Variants in ATP2C1 observed in about 807,000 individuals in gnomAD.
ATP2C1 encodes ATPase secretory pathway Ca2+ transporting 1.
ATP2C1 carries 31 observed loss-of-function variants against 120.5 expected under a neutral mutation model. The observed-to-expected ratio is 0.26, with a 90% CI of 0.19 to 0.35. The LOEUF (loss-of-function observed/expected upper bound fraction) is 0.35, where lower values mean the gene tolerates loss of function less well. ATP2C1 is among the 10% of genes least tolerant of loss of function. The pLI is 1.00. For synonymous variants in ATP2C1, 351 were observed against 358.7 expected, an observed-to-expected ratio of 0.98 and a Z score of 0.24; for missense variants, 731 against 1,107.5, an observed-to-expected ratio of 0.66 and a Z score of 4.83.
intron 26 of ATP2C1, chr3:131,014,120 G>A: frequency 6.2e-7 from 1 of 1,611,428 alleles, no homozygotes; most frequent in Non-Finnish European, 8.5e-7. Flanking sequence ...ACCCAAACCG[G>A]TTGTTTCCCT....
chr3:131,008,541 A>G (rs2063202379), intron 26 of ATP2C1, among the ~76,000 whole-genome samples: 1 of 152,168 alleles, frequency 6.6e-6, no homozygotes, highest in African/African-American at 2.4e-5. Flanking sequence ...TTCATTTACA[A>G]TATTGTTTAT....
At chr3:130,974,833 T>C (rs1218899988) in intron 17 of ATP2C1, among the ~76,000 whole-genome samples, 1 of 152,120 alleles carries the variant, frequency 6.6e-6, no homozygotes, top group East Asian at 1.9e-4. Flanking sequence ...GGACTAGTGG[T>C]GAGAAGCGTT....
At chr3:130,972,910 A>G (rs2061392190) in intron 17 of ATP2C1, among the ~76,000 whole-genome samples, 1 of 152,140 alleles carries the variant, frequency 6.6e-6, no homozygotes, top group Admixed American at 6.5e-5. Flanking sequence ...CCAAACCAAC[A>G]GAGAAAGGGA....
intron 1 of ATP2C1, chr3:130,868,494 A>G (rs2068293206): frequency 1.4e-5 from 1 of 72,332 alleles, no homozygotes; most frequent in Non-Finnish European, 2.9e-5. Context: ...GGCCGCCCCT[A>G]CTGGGAAGTG....
chr3:130,855,148 A>G (rs997247453), intron 1 of ATP2C1, among the ~76,000 whole-genome samples: 1 of 152,072 alleles, frequency 6.6e-6, no homozygotes, highest in Admixed American at 6.5e-5. Context: ...ATCTTTTCTT[A>G]CTTGAACTAT....
rs779394121 is a variant in ATP2C1, at chr3:130,955,094, A to G, written c.756+14A>G. The stretch of plus-strand genomic sequence containing the variant: ...CAAGCAGAAGAGGTGAGTACTTAAT[A>G]TGTTAATGATGTATTTGTTCCAAAT... On this transcript the variant is annotated intron_variant, in intron 10 of 27. Coordinates refer to ENST00000510168, the MANE Select transcript of ATP2C1 (RefSeq NM_001378687.1). 12 of 1,530,432 alleles carry G rather than the reference A, an allele frequency of 7.8e-6. No homozygotes were observed. The highest frequency in any genetic ancestry group is 3.3e-5 in the Admixed American group (2 of 59,886). 94.8% of individuals were successfully genotyped at this position (1,530,432 alleles called of 1,614,324 possible).
intron 9 of ATP2C1, among the ~76,000 whole-genome samples, chr3:130,954,670 A>G (rs1019949151): frequency 7.9e-5 from 12 of 152,072 alleles, no homozygotes; most frequent in Admixed American, 3.9e-4. Flanking sequence ...TATTTTTAGT[A>G]GAGATGGCAT....
intron 6 of ATP2C1, among the ~76,000 whole-genome samples, chr3:130,939,553 A>G (rs994973829): frequency 3.9e-5 from 6 of 152,210 alleles, no homozygotes; most frequent in African/African-American, 1.2e-4. Flanking sequence ...ACCAGAAGAC[A>G]TAAGTAAAGA....
intron 18 of ATP2C1, among the ~76,000 whole-genome samples, chr3:130,978,010 A>C (rs1444513337): frequency 1.3e-5 from 2 of 152,214 alleles, no homozygotes; most frequent in Non-Finnish European, 2.9e-5. Context: ...CTGGTGCTAA[A>C]GAAGCAAATA....
At chr3:130,967,869 T>A (rs573138606) in intron 16 of ATP2C1, among the ~76,000 whole-genome samples, 1 of 152,318 alleles carries the variant, frequency 6.6e-6, no homozygotes, top group African/African-American at 2.4e-5. Flanking sequence ...TTTCTCAAAA[T>A]GATTGTGAAG....
chr3:130,944,044 A>T (rs2060033625), intron 8 of ATP2C1, among the ~76,000 whole-genome samples: 1 of 152,152 alleles, frequency 6.6e-6, no homozygotes, highest in African/African-American at 2.4e-5. Context: ...GAACCAGAAA[A>T]CTCCTTAGTC....
chr3:130,921,044 A>G (rs1023790718), intron 2 of ATP2C1, among the ~76,000 whole-genome samples: 5 of 149,594 alleles, frequency 3.3e-5, no homozygotes, highest in African/African-American at 1.2e-4. Flanking sequence ...TTATTCTAAC[A>G]GTTTTTTAAA....
intron 5 of ATP2C1, among the ~76,000 whole-genome samples, chr3:130,936,351 C>G (rs1403476560): frequency 6.6e-6 from 1 of 151,988 alleles, no homozygotes; most frequent in Non-Finnish European, 1.5e-5. Context: ...GGTAAAAGAT[C>G]CATTCAAATG....
chr3:130,986,674 T>C (rs218484), intron 20 of ATP2C1, among the ~76,000 whole-genome samples: 142,779 of 152,220 alleles, frequency 0.94, 67,161 homozygotes, highest in African/African-American at 0.98. Flanking sequence ...CTATAAATAC[T>C]AGCCCTGCCT....
intron 1 of ATP2C1, among the ~76,000 whole-genome samples, chr3:130,873,487 A>G (rs188447319): frequency 6.6e-6 from 1 of 152,298 alleles, no homozygotes. Flanking sequence ...ACTTCCCTAA[A>G]AGTAATTTAA....
chr3:130,952,177 C>A (rs945563692), intron 8 of ATP2C1, among the ~76,000 whole-genome samples: 1 of 152,122 alleles, frequency 6.6e-6, no homozygotes, highest in Admixed American at 6.6e-5. Context: ...TTTCCCTCTA[C>A]CTGGCATTAT....
At chr3:130,884,448 C>A (rs957188537) in intron 1 of ATP2C1, among the ~76,000 whole-genome samples, 4 of 152,190 alleles carry the variant, frequency 2.6e-5, no homozygotes, top group African/African-American at 9.7e-5. Context: ...TGAGACTACT[C>A]CATGTGTTGA....
chr3:130,990,437 G>T (rs1006716301), intron 20 of ATP2C1, among the ~76,000 whole-genome samples: 1 of 152,134 alleles, frequency 6.6e-6, no homozygotes, highest in African/African-American at 2.4e-5. Context: ...GCAGAGGCTG[G>T]AAGTGAGTGT....
At chr3:130,886,433 A>G (rs2068973530) in intron 1 of ATP2C1, among the ~76,000 whole-genome samples, 2 of 152,144 alleles carry the variant, frequency 1.3e-5, no homozygotes, top group Admixed American at 1.3e-4. Flanking sequence ...TTCCATCCCC[A>G]TCTTTTTCTC....
Sources: allele counts gnomAD v4.1 joint callset (sites outside exome capture counted in the v4.1 genomes callset), GRCh38; gene constraint gnomAD v4.1.1; transcripts MANE v1.5; gene names NCBI Gene and HGNC (gene_info 2026-07-23, HGNC 2026-07-21).